Variants in LONP2 observed in about 807,000 individuals in gnomAD.
The protein encoded by LONP2 is lon protease homolog 2, peroxisomal.
In LONP2, 60 loss-of-function variants were observed where a neutral mutation model predicts 85.6. The observed-to-expected ratio is 0.70, with a 90% CI of 0.57 to 0.87. LONP2 has a LOEUF of 0.87. LONP2 is among the 40% of genes least tolerant of loss of function. The pLI is 0.00. For synonymous variants in LONP2, 395 were observed against 389.7 expected, an observed-to-expected ratio of 1.01 and a Z score of -0.16; for missense variants, 860 against 1,063.5, an observed-to-expected ratio of 0.81 and a Z score of 2.66.
chr16:48,347,400 A>G, intron 12 of LONP2, 107 bp from the exon 13 acceptor site: 2 of 990,748 alleles, frequency 2.0e-6, no homozygotes, highest in African/African-American at 1.6e-5. Context: ...ACTTTGAGGT[A>G]AGTGGCTGAA....
At position 48,256,613 on chromosome 16, in the gene LONP2, G is replaced by T. The variant is rs1248974116; in HGVS notation, c.472G>T (p.Val158Phe). Reference protein sequence around the residue: ...EQFYKYAVQLVEMLDMSVPAV... With the variant: ...EQFYKYAVQLFEMLDMSVPAV... ...AGACTTTTTTTCCCCCTTCTAGTTG[G>T]TTGAAATGTTGGATATGTCTGTCCC... Residue 158 changes from valine (V) to phenylalanine (F), a missense_variant, in exon 3 of 15, where the codon GTT becomes TTT. By Grantham distance (50) the Val-to-Phe change is conservative. Coordinates refer to ENST00000285737, the MANE Select transcript of LONP2 (RefSeq NM_031490.5). 6.2e-7 allele frequency: 1 copy of T among 1,611,514 alleles called. No homozygotes were observed. Among genetic ancestry groups the T allele is most frequent in the Admixed American group, 1.7e-5 (1 of 59,176 alleles).
chr16:48,266,194 G>A (rs771480110), intron 6 of LONP2, among the ~76,000 whole-genome samples: 6 of 151,920 alleles, frequency 3.9e-5, no homozygotes, highest in African/African-American at 9.7e-5. Context: ...TAGCAGAGAC[G>A]GGGTTTCACC....
chr16:48,318,369 A>C (rs1368793967), intron 11 of LONP2, among the ~76,000 whole-genome samples: 3 of 152,034 alleles, frequency 2.0e-5, no homozygotes, highest in African/African-American at 7.2e-5. Flanking sequence ...AAATACAAAA[A>C]TTAGCTGGGC....
intron 11 of LONP2, among the ~76,000 whole-genome samples, chr16:48,316,991 TGA>T (rs1256965329): frequency 6.6e-6 from 1 of 152,218 alleles, no homozygotes; most frequent in East Asian, 1.9e-4. Context: ...CTGTCAAGGC[TGA>T]GTTTTAGGCT....
At chr16:48,319,820 A>G (rs1973223824) in intron 11 of LONP2, among the ~76,000 whole-genome samples, 1 of 152,160 alleles carries the variant, frequency 6.6e-6, no homozygotes, top group Non-Finnish European at 1.5e-5. Context: ...ATATCTGGGC[A>G]CCATCTTGAA....
downstream of LONP2, chr16:48,361,687 C>T (rs768043201): frequency 6.2e-7 from 1 of 1,613,604 alleles, no homozygotes; most frequent in Non-Finnish European, 8.5e-7. Flanking sequence ...ATGGCTGTTG[C>T]AATTCCTTCA....
chr16:48,327,778 A>G (rs992495948), intron 11 of LONP2, among the ~76,000 whole-genome samples: 2 of 152,218 alleles, frequency 1.3e-5, no homozygotes, highest in Middle Eastern at 3.2e-3. Context: ...ACTTTTAAGA[A>G]TATGCTTCAA....
At chr16:48,282,001 G>A (rs1039530053) in intron 8 of LONP2, among the ~76,000 whole-genome samples, 2 of 152,138 alleles carry the variant, frequency 1.3e-5, no homozygotes, top group Non-Finnish European at 2.9e-5. Context: ...CTATATTAAT[G>A]ATATAATTTC....
At chr16:48,247,541 G>A (rs1971479560) in intron 1 of LONP2, 1 of 31,248 alleles carries the variant, frequency 3.2e-5, no homozygotes, top group African/African-American at 1.3e-4. Context: ...TTAGTGTGCA[G>A]GCATGTTGCC....
chr16:48,330,368 C>T (rs1157449816), intron 11 of LONP2, among the ~76,000 whole-genome samples: 1 of 152,198 alleles, frequency 6.6e-6, no homozygotes, highest in African/African-American at 2.4e-5. Flanking sequence ...TTCCCCTTGC[C>T]TTAAAAAGTC....
downstream of LONP2, among the ~76,000 whole-genome samples, chr16:48,360,014 G>C (rs1048931321): frequency 6.6e-6 from 1 of 152,208 alleles, no homozygotes; most frequent in African/African-American, 2.4e-5. Flanking sequence ...AAGGCATAAT[G>C]GTAGCTAACA....
chr16:48,349,910 A>G (rs1960086761), intron 14 of LONP2, among the ~76,000 whole-genome samples: 1 of 152,188 alleles, frequency 6.6e-6, no homozygotes, highest in Non-Finnish European at 1.5e-5. Context: ...ATTACTGAGG[A>G]TAAAGCGGCC....
downstream of LONP2, chr16:48,360,776 T>C (rs2151042798): frequency 6.6e-6 from 1 of 152,592 alleles, no homozygotes; most frequent in Admixed American, 6.5e-5. Flanking sequence ...TTCTCTAACC[T>C]TTCAAAGATT....
chr16:48,251,099 A>G (rs1164344340), intron 1 of LONP2, among the ~76,000 whole-genome samples: 2 of 152,232 alleles, frequency 1.3e-5, no homozygotes, highest in Non-Finnish European at 2.9e-5. Flanking sequence ...TAAGGAAGTA[A>G]TCAAGAATTC....
rs7200476 is a variant in LONP2, at chr16:48,308,825, C to T, written c.1795+5520C>T. Among the ~76,000 whole-genome samples, 1,304 of 151,992 alleles carry T rather than the reference C, an allele frequency of 8.6e-3. 15 individuals carry two copies. Among genetic ancestry groups the T allele is most frequent in the African/African-American group, 0.029 (1,205 of 41,452 alleles). On this transcript the variant is annotated intron_variant, in intron 11 of 14. Coordinates refer to ENST00000285737, the MANE Select transcript of LONP2 (RefSeq NM_031490.5). ...GATGAGACTTAATTAAACTAAAAAG[C>T]TTTTTATACAGCAAAAGAAACAACA...
At chr16:48,323,657 C>CAA (rs34757576) in intron 11 of LONP2, among the ~76,000 whole-genome samples, 11 of 72,672 alleles carry the variant, frequency 1.5e-4, no homozygotes, top group African/African-American at 2.5e-4. Flanking sequence ...ACTCTGTCTC[C>CAA]AAAAAAAAAA....
chr16:48,338,227 A>G (rs1959711599), intron 12 of LONP2, among the ~76,000 whole-genome samples: 1 of 152,224 alleles, frequency 6.6e-6, no homozygotes, highest in African/African-American at 2.4e-5. Flanking sequence ...AGGACCTAAC[A>G]TGTGCTTCTG....
intron 12 of LONP2, among the ~76,000 whole-genome samples, chr16:48,346,759 C>T (rs905577465): frequency 2.0e-5 from 3 of 152,128 alleles, no homozygotes; most frequent in African/African-American, 7.2e-5. Context: ...TGGCCAAGCT[C>T]ACTCTTCTTA....
chr16:48,277,416 A>G lies in LONP2; in HGVS notation c.1320A>G (p.Leu440=), dbSNP rs769447912. The change falls in exon 8 of 15, where the codon CTA becomes CTG. Residue 440 remains leucine, a synonymous_variant. Transcript: ENST00000285737. ...KTVGVNNPVF[L]LDEVDKLGKS... is the part of the protein sequence containing the mutation. Reference sequence around the variant, plus strand: ...TGGGAGTGAACAACCCAGTGTTCCTATTAGATGAGGTTGACAAACTGGGAA... The same window carrying G: ...TGGGAGTGAACAACCCAGTGTTCCTGTTAGATGAGGTTGACAAACTGGGAA... 2 of 1,613,876 alleles carry G rather than the reference A, an allele frequency of 1.2e-6. No individual in the cohort carries two copies. Among genetic ancestry groups the G allele is most frequent in the South Asian group, 1.1e-5 (1 of 91,064 alleles).
Sources: allele counts gnomAD v4.1 joint callset (sites outside exome capture counted in the v4.1 genomes callset), GRCh38; gene constraint gnomAD v4.1.1; transcripts MANE v1.5; gene names NCBI Gene and HGNC (gene_info 2026-07-23, HGNC 2026-07-21).